LIFR: variants seen among roughly 807,000 people sequenced by gnomAD.
The protein encoded by LIFR is leukemia inhibitory factor receptor.
LIFR carries 84 observed loss-of-function variants against 122.2 expected under a neutral mutation model. The observed-to-expected ratio is 0.69, with a 90% CI of 0.58 to 0.82. LIFR has a LOEUF of 0.82. Ranked by LOEUF, LIFR falls within the 40% of genes least tolerant of loss-of-function variation. The pLI, the probability that LIFR is intolerant of heterozygous loss-of-function variation, is 0.00. For missense variants in LIFR, 1,294 were observed against 1,311.6 expected, an observed-to-expected ratio of 0.99 and a Z score of 0.21; for synonymous variants, 422 against 434.7, an observed-to-expected ratio of 0.97 and a Z score of 0.36.
chr5:38,555,493 C>T (rs1282160619), intron 1 of LIFR, among the ~76,000 whole-genome samples: 1 of 152,130 alleles, frequency 6.6e-6, no homozygotes, highest in Non-Finnish European at 1.5e-5. Context: ...TGAAACTGAA[C>T]AGGAATCGGA....
rs537066004 is a variant in LIFR, at chr5:38,546,541, A to C, written c.-20+9793T>G. 3.9e-5 allele frequency among the ~76,000 whole-genome samples: 6 copies of C among 152,348 alleles called. No homozygotes were observed. In the East Asian group the frequency reaches 1.2e-3, roughly 29 times the overall value. ...CACAGGATAACAATCAACTCCAGGT[A>C]AGAGCAGTTACTCCTTCCTAAGAAC... On this transcript the variant is annotated intron_variant, in intron 1 of 19. Coordinates refer to ENST00000453190, the MANE Select transcript of LIFR (RefSeq NM_001127671.2).
intron 12 of LIFR, 109 bp from the exon 13 acceptor site, chr5:38,496,704 G>C (rs1744899483): frequency 1.2e-6 from 1 of 816,106 alleles, no homozygotes; most frequent in South Asian, 1.4e-5. Flanking sequence ...AGGTTGGCCA[G>C]GCGTGGTGAC....
At chr5:38,578,672 C>T (rs769665260) in intron 1 of LIFR, among the ~76,000 whole-genome samples, 4 of 152,002 alleles carry the variant, frequency 2.6e-5, no homozygotes, top group Non-Finnish European at 5.9e-5. Context: ...ATGTCTCAGC[C>T]TCCTGAGTAG....
At chr5:38,502,916 C>A (rs7701409) in intron 10 of LIFR, 117 bp from the exon 11 acceptor site, 1 of 491,414 alleles carries the variant, frequency 2.0e-6, no homozygotes, top group Admixed American at 3.7e-5. Flanking sequence ...ATTTGTAACA[C>A]AAACCAACGG....
chr5:38,526,250 C>A (rs2112555126), intron 4 of LIFR, among the ~76,000 whole-genome samples: 1 of 152,232 alleles, frequency 6.6e-6, no homozygotes, highest in Admixed American at 6.5e-5. Flanking sequence ...CTACGTGCTC[C>A]TGCTTCCTTA....
At chr5:38,546,733 G>GACAAAA (rs1747913357) in intron 1 of LIFR, among the ~76,000 whole-genome samples, 1 of 152,150 alleles carries the variant, frequency 6.6e-6, no homozygotes, top group Non-Finnish European at 1.5e-5. Context: ...AAAGCATAAA[G>GACAAAA]ACAAAAGGCA....
intron 1 of LIFR, among the ~76,000 whole-genome samples, chr5:38,563,499 A>G (rs1748906873): frequency 6.6e-6 from 1 of 152,244 alleles, no homozygotes; most frequent in South Asian, 2.1e-4. Flanking sequence ...TGAAGAGACC[A>G]AAGCTCAAAG....
At chr5:38,598,256 TTTTC>T (rs1338823054), upstream of LIFR, among the ~76,000 whole-genome samples, 3,717 of 59,772 alleles carry the variant, frequency 0.062, 736 homozygotes, top group African/African-American at 0.091. Context: ...TTTTTTTTTT[TTTTC>T]TTTTTAGAGG....
chr5:38,579,024 A>T (rs1033739309), intron 1 of LIFR: 19 of 152,248 alleles, frequency 1.2e-4, no homozygotes, highest in African/African-American at 4.3e-4. Flanking sequence ...ATTTAGAAAT[A>T]CTTAGAAGTA....
chr5:38,487,805 A>G (rs1484171928), intron 16 of LIFR, among the ~76,000 whole-genome samples: 1 of 152,118 alleles, frequency 6.6e-6, no homozygotes, highest in South Asian at 2.1e-4. Context: ...ACGTTCTTCA[A>G]TCGACCCCTC....
chr5:38,476,219 G>C lies in LIFR; in HGVS notation c.*5376C>G, dbSNP rs1359119406. 4.8e-6 allele frequency: 1 copy of C among 207,116 alleles called. No homozygotes were observed. The highest frequency in any genetic ancestry group is 9.8e-6 in the Non-Finnish European group (1 of 101,626). 12.8% of individuals were successfully genotyped at this position (207,116 alleles called of 1,614,324 possible). On this transcript the variant is annotated 3_prime_UTR_variant, in exon 20 of 20. Coordinates refer to ENST00000453190, the MANE Select transcript of LIFR (RefSeq NM_001127671.2). The stretch of plus-strand genomic sequence containing the variant: ...AAAATTGTATGAAAACCATTATTCA[G>C]TGTTCTTTTCTATGAGCAATTGCAA...
chr5:38,587,911 G>A (rs2112755888), intron 1 of LIFR, among the ~76,000 whole-genome samples: 1 of 152,286 alleles, frequency 6.6e-6, no homozygotes, highest in Admixed American at 6.5e-5. Context: ...CCTACATTAG[G>A]TGTAGGGATT....
chr5:38,540,382 T>C (rs899255176), intron 1 of LIFR, among the ~76,000 whole-genome samples: 1 of 152,360 alleles, frequency 6.6e-6, no homozygotes, highest in South Asian at 2.1e-4. Context: ...CACCACCTGC[T>C]CTACCAAGCA....
chr5:38,493,903 G>T, intron 13 of LIFR, 118 bp from the exon 14 acceptor site: 1 of 809,934 alleles, frequency 1.2e-6, no homozygotes, highest in Non-Finnish European at 2.1e-6. Context: ...ATAAAATAGT[G>T]CTCAAACTAG....
intron 17 of LIFR, 24 bp from the exon 18 acceptor site, chr5:38,484,892 T>A (rs371840152): frequency 1.3e-6 from 2 of 1,505,018 alleles, no homozygotes; most frequent in African/African-American, 2.7e-5. Context: ...ATTGCAAATA[T>A]TAAAATCGCC....
At chr5:38,569,424 C>T (rs949326449) in intron 1 of LIFR, among the ~76,000 whole-genome samples, 5 of 151,810 alleles carry the variant, frequency 3.3e-5, no homozygotes, top group African/African-American at 4.9e-5. Context: ...AGCAGGCAAG[C>T]GAGCATTACC....
chr5:38,531,894 A>G (rs1041516231), intron 1 of LIFR, among the ~76,000 whole-genome samples: 1 of 152,256 alleles, frequency 6.6e-6, no homozygotes, highest in African/African-American at 2.4e-5. Context: ...AACATGCAAA[A>G]GGCGTGAGCA....
intron 10 of LIFR, among the ~76,000 whole-genome samples, chr5:38,503,528 C>T (rs1007136079): frequency 1.3e-5 from 2 of 152,048 alleles, no homozygotes; most frequent in Admixed American, 1.3e-4. Context: ...CCACAAATTA[C>T]AAGATAGTAT....
At chr5:38,536,202 A>T (rs1462895708) in intron 1 of LIFR, among the ~76,000 whole-genome samples, 2 of 152,204 alleles carry the variant, frequency 1.3e-5, no homozygotes, top group Admixed American at 6.5e-5. Context: ...ACATCTCATC[A>T]GTAATTAAGG....
Sources: gnomAD v4.1 joint callset for allele counts (sites outside exome capture counted in the v4.1 genomes callset) on GRCh38, gnomAD v4.1.1 for gene constraint, MANE v1.5 for transcripts, NCBI Gene and HGNC (gene_info 2026-07-23, HGNC 2026-07-21) for gene names.